The following ACOXL variants were observed in gnomAD, a reference collection of about 807,000 sequenced individuals.
The protein encoded by ACOXL is acyl-coenzyme A oxidase-like protein.
ACOXL carries 70 observed loss-of-function variants against 71.9 expected under a neutral mutation model. The observed-to-expected ratio is 0.97, with a 90% CI of 0.80 to 1.19. The LOEUF (loss-of-function observed/expected upper bound fraction) is 1.19. ACOXL is among the 50% of genes most tolerant of loss of function. ACOXL has a pLI of 0.00. For synonymous variants in ACOXL, 253 were observed against 281.6 expected (o/e 0.90, Z 1.02); for missense variants, 703 against 736.3 (o/e 0.95, Z 0.52).
At chr2:110,799,200 G>A in intron 7 of ACOXL, 100 bp downstream of exon 7, 5 of 1,267,102 alleles carry the variant, frequency 3.9e-6, no homozygotes, top group Non-Finnish European at 5.7e-6. Flanking sequence ...GAAGCACTGA[G>A]GGTGGAGAAA....
chr2:111,082,847 T>C (rs915582291), intron 16 of ACOXL, among the ~76,000 whole-genome samples: 3 of 152,310 alleles, frequency 2.0e-5, no homozygotes, highest in Non-Finnish European at 4.4e-5. Context: ...TGGAATACTA[T>C]GCAGCCATAA....
intron 10 of ACOXL, among the ~76,000 whole-genome samples, chr2:110,863,453 A>G (rs1015486631): frequency 4.6e-5 from 7 of 152,240 alleles, no homozygotes; most frequent in East Asian, 3.8e-4. Context: ...GATGATGAAA[A>G]TATCTATGAT....
intron 13 of ACOXL, among the ~76,000 whole-genome samples, chr2:110,994,053 A>G (rs1005412437): frequency 1.3e-5 from 2 of 152,218 alleles, no homozygotes; most frequent in South Asian, 2.1e-4. Flanking sequence ...TGTGACTCAC[A>G]TGACTCAGCG....
At chr2:110,807,239 C>T (rs1347207023) in intron 9 of ACOXL, among the ~76,000 whole-genome samples, 3 of 152,228 alleles carry the variant, frequency 2.0e-5, no homozygotes, top group East Asian at 1.9e-4. Context: ...CAGGCCATAG[C>T]GCTCTCTAGG....
chr2:111,067,169 G>T (rs2067113593), intron 16 of ACOXL, among the ~76,000 whole-genome samples: 1 of 151,950 alleles, frequency 6.6e-6, no homozygotes, highest in Non-Finnish European at 1.5e-5. Flanking sequence ...GCATCAATGA[G>T]ATAACACTAG....
chr2:110,877,480 A>T (rs1446258214), intron 10 of ACOXL, among the ~76,000 whole-genome samples: 1 of 152,062 alleles, frequency 6.6e-6, no homozygotes, highest in Non-Finnish European at 1.5e-5. Flanking sequence ...TTTCTGTGGG[A>T]TCTCGCAAAT....
At chr2:110,774,955 G>C (rs981097126) in intron 2 of ACOXL, among the ~76,000 whole-genome samples, 1 of 152,206 alleles carries the variant, frequency 6.6e-6, no homozygotes, top group Non-Finnish European at 1.5e-5. Context: ...CTGTGGAACT[G>C]GCATAAAGAC....
At chr2:110,864,528 TC>T (rs1416497827) in intron 10 of ACOXL, among the ~76,000 whole-genome samples, 1 of 152,206 alleles carries the variant, frequency 6.6e-6, no homozygotes, top group Non-Finnish European at 1.5e-5. Context: ...TATGGGATAT[TC>T]AGAAGTGCCT....
At position 111,062,160 on chromosome 2, in the gene ACOXL, T is replaced by C. The variant is rs1268302806; in HGVS notation, c.1440+12872T>C. On this transcript the variant is annotated intron_variant, in intron 16 of 17. Transcript: ENST00000439055. ...CATCATGCAAATATTAATTAAAAGA[T>C]AGCAAGAGCGGCTATATTAATATCA... is the stretch of plus-strand genomic sequence containing the variant. Among the ~76,000 whole-genome samples, 4 of 152,056 alleles carry C rather than the reference T, an allele frequency of 2.6e-5. No individual in the cohort carries two copies. In the East Asian group the frequency reaches 7.7e-4, roughly 29 times the overall value.
chr2:110,925,358 T>C (rs1417753249), intron 11 of ACOXL, among the ~76,000 whole-genome samples: 1 of 152,260 alleles, frequency 6.6e-6, no homozygotes, highest in Non-Finnish European at 1.5e-5. Context: ...TCACCTATGC[T>C]GAAAATATGT....
In ACOXL at chr2:110,921,688, T is replaced by C. The variant is rs114367633; in HGVS notation, c.906-11801T>C. Among the ~76,000 whole-genome samples, 1,219 of 152,242 alleles carry C rather than the reference T, an allele frequency of 8.0e-3. 18 individuals are homozygous for C. The highest frequency in any genetic ancestry group is 0.027 in the African/African-American group (1,133 of 41,536). On this transcript the variant is annotated intron_variant, in intron 11 of 17. Coordinates refer to ENST00000439055, the MANE Select transcript of ACOXL (RefSeq NM_001142807.4). The stretch of plus-strand genomic sequence containing the variant: ...GATTACAGGCATGAGCCACCGCGCC[T>C]GGCCTTCCACCCCCCTCTCTTAAGG...
chr2:110,899,507 CA>C (rs1353832496), intron 10 of ACOXL, among the ~76,000 whole-genome samples: 1 of 152,118 alleles, frequency 6.6e-6, no homozygotes, highest in Non-Finnish European at 1.5e-5. Flanking sequence ...GGCCTGGATC[CA>C]GAGAGGATTG....
chr2:110,803,105 A>G (rs925744430), intron 8 of ACOXL, among the ~76,000 whole-genome samples: 1 of 152,256 alleles, frequency 6.6e-6, no homozygotes, highest in Non-Finnish European at 1.5e-5. Flanking sequence ...GATAGGAAAT[A>G]AAATGGAAAC....
chr2:111,114,527 C>T (rs2070207011), intron 17 of ACOXL, among the ~76,000 whole-genome samples: 1 of 151,896 alleles, frequency 6.6e-6, no homozygotes, highest in Admixed American at 6.6e-5. Context: ...GGATTTTTCA[C>T]AAAAAACAGC....
intron 12 of ACOXL, among the ~76,000 whole-genome samples, chr2:110,982,786 T>C (rs1023378975): frequency 6.6e-6 from 1 of 152,242 alleles, no homozygotes; most frequent in African/African-American, 2.4e-5. Flanking sequence ...GTCCTCTCTT[T>C]TATCTGGCAG....
intron 11 of ACOXL, among the ~76,000 whole-genome samples, chr2:110,919,731 A>G (rs146562380): frequency 6.6e-6 from 1 of 152,076 alleles, no homozygotes. Flanking sequence ...ACTTCTTCCC[A>G]CAGTCTTACC....
intron 5 of ACOXL, 95 bp from the exon 6 acceptor site, chr2:110,798,515 C>T: frequency 9.9e-7 from 1 of 1,012,478 alleles, no homozygotes; most frequent in Non-Finnish European, 1.5e-6. Flanking sequence ...CTCGGCCCCC[C>T]AAAGTGCTGG....
intron 10 of ACOXL, among the ~76,000 whole-genome samples, chr2:110,854,467 G>C (rs879334213): frequency 7.2e-6 from 1 of 138,058 alleles, no homozygotes; most frequent in Non-Finnish European, 1.7e-5. Flanking sequence ...CAGGGTGCTG[G>C]GATGGTTCCC....
intron 14 of ACOXL, among the ~76,000 whole-genome samples, chr2:111,027,720 G>C (rs915298947): frequency 2.0e-5 from 3 of 152,120 alleles, no homozygotes; most frequent in African/African-American, 7.2e-5. Context: ...TTCCTTTGTT[G>C]TAAGATTGTG....
Sources: allele counts gnomAD v4.1 joint callset (sites outside exome capture counted in the v4.1 genomes callset), GRCh38; gene constraint gnomAD v4.1.1; transcripts MANE v1.5; gene names NCBI Gene and HGNC (gene_info 2026-07-23, HGNC 2026-07-21).